SLC12A2: variants seen among roughly 807,000 people sequenced by gnomAD.
SLC12A2 encodes Na-K-2Cl cotransporter 1.
A neutral mutation model predicts 136.3 loss-of-function variants in SLC12A2; 67 were observed. That is an observed-to-expected ratio of 0.49 (90% confidence interval 0.40 to 0.60). The LOEUF (loss-of-function observed/expected upper bound fraction) is 0.60, where lower values mean the gene tolerates loss of function less well. SLC12A2 is among the 20% of genes least tolerant of loss of function. SLC12A2 has a pLI of 0.00. For synonymous variants in SLC12A2, 619 were observed against 562.9 expected, an observed-to-expected ratio of 1.10 and a Z score of -1.41; for missense variants, 1,322 against 1,534.7, an observed-to-expected ratio of 0.86 and a Z score of 2.32.
chr5:128,178,564 TA>T lies in SLC12A2; in HGVS notation c.2978-2del, dbSNP rs1561706326. The T allele has an allele frequency of 1.9e-6, 3 of 1,557,504 alleles. No homozygotes were observed. In the Admixed American group the frequency reaches 6.4e-5, roughly 33 times the overall value. On this transcript the variant is annotated splice_acceptor_variant, in intron 21 of 26. Coordinates refer to ENST00000262461, the MANE Select transcript of SLC12A2 (RefSeq NM_001046.3). LOFTEE classifies it high-confidence loss of function. ...ACATTTTATATTTTGCTTAATCCTT[TA>T]GAATCCAAAGGCCCTATTGTGCCTT...
intron 6 of SLC12A2, among the ~76,000 whole-genome samples, chr5:128,135,136 G>A (rs997874159): frequency 1.3e-5 from 2 of 152,084 alleles, no homozygotes; most frequent in Non-Finnish European, 2.9e-5. Flanking sequence ...TTGAGAGGTT[G>A]AGAGTGGAGA....
At chr5:128,149,901 G>C (rs899472567) in intron 12 of SLC12A2, 96 bp from the exon 13 acceptor site, 1 of 807,102 alleles carries the variant, frequency 1.2e-6, no homozygotes, top group Non-Finnish European at 2.1e-6. Flanking sequence ...TGGTTATGGG[G>C]TGTTACGTTG....
At chr5:128,143,201 C>T (rs1762427301) in intron 10 of SLC12A2, among the ~76,000 whole-genome samples, 1 of 151,958 alleles carries the variant, frequency 6.6e-6, no homozygotes, top group Non-Finnish European at 1.5e-5. Context: ...TTTTATTTTG[C>T]TCAATTTAAA....
chr5:128,097,951 TG>T (rs1760604492), intron 1 of SLC12A2, among the ~76,000 whole-genome samples: 1 of 152,118 alleles, frequency 6.6e-6, no homozygotes, highest in Non-Finnish European at 1.5e-5. Flanking sequence ...ATAGTTTTGC[TG>T]GATATAGAAT....
intron 10 of SLC12A2, among the ~76,000 whole-genome samples, chr5:128,143,092 C>T (rs1412523349): frequency 1.3e-5 from 2 of 152,010 alleles, no homozygotes; most frequent in Non-Finnish European, 2.9e-5. Flanking sequence ...TATCATCTCT[C>T]CATTTATTTG....
chr5:128,139,732 T>C (rs541629631), intron 9 of SLC12A2, among the ~76,000 whole-genome samples: 6 of 152,350 alleles, frequency 3.9e-5, no homozygotes, highest in African/African-American at 7.2e-5. Flanking sequence ...TTCTTAAGCA[T>C]AATGCAAAAG....
chr5:128,187,200 G>T lies in SLC12A2; in HGVS notation c.*569G>T, dbSNP rs561787982. 1.3e-5 allele frequency: 2 copies of T among 152,818 alleles called. No homozygotes were observed. The highest frequency in any genetic ancestry group is 6.8e-3 in the Middle Eastern group (2 of 294). 9.5% of individuals were successfully genotyped at this position (152,818 alleles called of 1,614,324 possible). A position where few individuals can be genotyped will look rare whatever the true frequency, so the allele number is the denominator to read the frequency against. ...TTAGGGCAGGTTAATCAAAAATGGG[G>T]AAGGGGAAATGGTAACCAAAAAGTA... On this transcript the variant is annotated 3_prime_UTR_variant, in exon 27 of 27. Transcript: ENST00000262461.
chr5:128,145,168 A>C (rs894558835), intron 10 of SLC12A2, among the ~76,000 whole-genome samples: 3 of 152,036 alleles, frequency 2.0e-5, no homozygotes, highest in Non-Finnish European at 4.4e-5. Context: ...TATTTACTTC[A>C]ATTTATAACT....
chr5:128,118,101 C>T (rs967195694), intron 4 of SLC12A2, among the ~76,000 whole-genome samples: 2 of 152,054 alleles, frequency 1.3e-5, no homozygotes, highest in African/African-American at 4.8e-5. Flanking sequence ...GAAAAGGGAA[C>T]ACTTTTACAC....
chr5:128,151,986 G>C (rs751422597), intron 14 of SLC12A2, among the ~76,000 whole-genome samples: 6 of 152,066 alleles, frequency 3.9e-5, no homozygotes, highest in Non-Finnish European at 7.4e-5. Context: ...GATGATGCTG[G>C]AGTATGTTAG....
intron 7 of SLC12A2, among the ~76,000 whole-genome samples, chr5:128,138,049 C>T (rs1762242101): frequency 6.6e-6 from 1 of 151,642 alleles, no homozygotes; most frequent in Admixed American, 6.6e-5. Context: ...ATGATTCTCT[C>T]ACCCCAGCCT....
In SLC12A2 at chr5:128,166,488, G is replaced by T. The variant is rs987173991; in HGVS notation, c.2617-1273G>T. On this transcript the variant is annotated intron_variant, in intron 17 of 26. Coordinates refer to ENST00000262461, the MANE Select transcript of SLC12A2 (RefSeq NM_001046.3). The stretch of plus-strand genomic sequence containing the variant: ...TGTGTGTGTGTGTGTGTGTTTGTGT[G>T]TGTGTATGAAATGGAATATTATTCA... 2.0e-5 allele frequency among the ~76,000 whole-genome samples: 3 copies of T among 152,046 alleles called. No homozygotes were observed. The East Asian group carries it at 5.8e-4, about 29-fold the overall frequency.
intron 18 of SLC12A2, 191 bp downstream of exon 18, chr5:128,168,058 CTCTT>C: frequency 2.1e-6 from 1 of 470,202 alleles, no homozygotes; most frequent in Admixed American, 3.9e-5. Flanking sequence ...CTTTATATGT[CTCTT>C]TACATACATG....
rs111986207 is a variant in SLC12A2, at chr5:128,171,682, A to G, written c.2739A>G (p.Ile913Met). 1 of 1,575,788 alleles carries G rather than the reference A, an allele frequency of 6.3e-7. No individual in the cohort carries two copies. Among genetic ancestry groups the G allele is most frequent in the Admixed American group, 2.0e-5 (1 of 49,786 alleles). The change falls in exon 19 of 27, where the codon ATA (isoleucine) becomes ATG (methionine). Residue 913 changes from isoleucine to methionine, a missense_variant. Around this residue, in one of 8 missense-constraint regions of SLC12A2, gnomAD observed 226 missense variants for 210.4 expected, o/e 1.07. Coordinates refer to ENST00000262461, the MANE Select transcript of SLC12A2 (RefSeq NM_001046.3). ...TTGTTCTTAGTGATGCTTTTGACAT[A>G]CAATATGGAGTAGTGGTTATTCGCC... ...YINLFHDAFDIQYGVVVIRLK... is the reference protein window; with the variant it reads ...YINLFHDAFDMQYGVVVIRLK...
At chr5:128,178,276 T>C (rs1763595115) in intron 21 of SLC12A2, 1 of 181,744 alleles carries the variant, frequency 5.5e-6, no homozygotes, top group Non-Finnish European at 1.1e-5. Context: ...ATTTTTTTTA[T>C]TGTTATTTAT....
At chr5:128,119,330 TG>T (rs1419543189) in intron 4 of SLC12A2, among the ~76,000 whole-genome samples, 2 of 152,170 alleles carry the variant, frequency 1.3e-5, no homozygotes, top group African/African-American at 4.8e-5. Flanking sequence ...ATTCAAAGGT[TG>T]GGGAACATTA....
chr5:128,178,026 G>A lies in SLC12A2; in HGVS notation c.2978-541G>A, dbSNP rs114330100. On this transcript the variant is annotated intron_variant, in intron 21 of 26. Coordinates refer to ENST00000262461, the MANE Select transcript of SLC12A2 (RefSeq NM_001046.3). ...TTGGGGACAAAACATAGGTAAAAAT[G>A]AGAAGTCTTTCCTTAGACTAAGGTT... Among the ~76,000 whole-genome samples the A allele has an allele frequency of 2.8e-3, 421 of 152,266 alleles. 1 individual carries two copies. The highest frequency in any genetic ancestry group is 9.8e-3 in the African/African-American group (409 of 41,566).
chr5:128,119,020 T>A (rs866059945), intron 4 of SLC12A2, among the ~76,000 whole-genome samples: 1 of 152,166 alleles, frequency 6.6e-6, no homozygotes, highest in Non-Finnish European at 1.5e-5. Flanking sequence ...TGTGTAGGTA[T>A]GAGTTTTGTT....
chr5:128,148,091 A>T (rs1762588096), intron 11 of SLC12A2, among the ~76,000 whole-genome samples: 1 of 151,718 alleles, frequency 6.6e-6, no homozygotes, highest in African/African-American at 2.4e-5. Context: ...TCAGTATGAT[A>T]TCAACCTAAA....
Sources: allele counts gnomAD v4.1 joint callset (sites outside exome capture counted in the v4.1 genomes callset), GRCh38; gene constraint gnomAD v4.1.1; regional missense constraint gnomAD v4.1.1; transcripts MANE v1.5; gene names NCBI Gene and HGNC (gene_info 2026-07-23, HGNC 2026-07-21).